Variants in CCSER1 observed in about 807,000 individuals in gnomAD.
CCSER1 encodes the protein serine-rich coiled-coil domain-containing protein 1.
In CCSER1, 41 loss-of-function variants were observed where a neutral mutation model predicts 82.0. That is an observed-to-expected ratio of 0.50 (90% CI 0.39 to 0.65). The LOEUF is 0.65. Among genes scored for constraint, CCSER1 ranks in the 30% least tolerant of loss-of-function variants. The probability of loss-of-function intolerance (pLI) is 0.00; values close to 1 mark genes in which losing one functional copy is unlikely to be tolerated. For missense variants in CCSER1, 1,119 were observed against 1,064.2 expected, an observed-to-expected ratio of 1.05 and a Z score of -0.72; for synonymous variants, 414 against 383.9, an observed-to-expected ratio of 1.08 and a Z score of -0.92.
chr4:90,455,644 C>T (rs1418976648), intron 4 of CCSER1, among the ~76,000 whole-genome samples: 1 of 152,176 alleles, frequency 6.6e-6, no homozygotes, highest in Non-Finnish European at 1.5e-5. Context: ...TCCCCGTGAT[C>T]TTTGCAGGTG....
intron 3 of CCSER1, among the ~76,000 whole-genome samples, chr4:90,371,392 A>T (rs1440702348): frequency 6.6e-6 from 1 of 152,138 alleles, no homozygotes; most frequent in Non-Finnish European, 1.5e-5. Flanking sequence ...ATTTGTTTAC[A>T]AATATATTGC....
intron 10 of CCSER1, among the ~76,000 whole-genome samples, chr4:91,151,933 A>G (rs987879268): frequency 4.6e-5 from 7 of 152,228 alleles, no homozygotes; most frequent in Non-Finnish European, 1.0e-4. Flanking sequence ...TGTGGTGCTG[A>G]GAAGAATGTA....
intron 10 of CCSER1, among the ~76,000 whole-genome samples, chr4:91,351,714 A>G (rs1748483190): frequency 6.6e-6 from 1 of 152,156 alleles, no homozygotes. Context: ...GAGAATAATA[A>G]TAGGCAGAAA....
chr4:91,344,469 G>T (rs1881454), intron 10 of CCSER1, among the ~76,000 whole-genome samples: 1 of 152,106 alleles, frequency 6.6e-6, no homozygotes, highest in African/African-American at 2.4e-5. Context: ...GAAAAAGTAA[G>T]TGTAATGTAA....
chr4:90,957,579 T>A (rs1270135255), intron 9 of CCSER1, among the ~76,000 whole-genome samples: 1 of 133,304 alleles, frequency 7.5e-6, no homozygotes, highest in Non-Finnish European at 1.5e-5. Flanking sequence ...TTATATTATA[T>A]AATATATTAT....
intron 9 of CCSER1, among the ~76,000 whole-genome samples, chr4:90,947,484 C>T (rs1157333745): frequency 6.6e-6 from 1 of 152,100 alleles, no homozygotes; most frequent in African/African-American, 2.4e-5. Flanking sequence ...GTTTCAGCAG[C>T]TCAACTAGAT....
Position 90,380,943 on chromosome 4 carries a change from G to A in CCSER1, c.1510-19093G>A, listed in dbSNP as rs1204371937. Among the ~76,000 whole-genome samples the A allele has an allele frequency of 3.3e-5, 5 of 152,248 alleles. 1 individual carries two copies. In the South Asian group the frequency reaches 6.2e-4, roughly 19 times the overall value. ...TGCAATTCAGGGCTGTGTGCTAAGT[G>A]AGAAATAAGCAGGAAACGATGCGGG... On this transcript the variant is annotated intron_variant, in intron 3 of 10. Transcript: ENST00000509176.
chr4:90,867,616 G>T (rs944319827), intron 8 of CCSER1, among the ~76,000 whole-genome samples: 1 of 151,708 alleles, frequency 6.6e-6, no homozygotes, highest in Non-Finnish European at 1.5e-5. Flanking sequence ...CTGTTGTGCT[G>T]TCAAATACTA....
At position 90,656,326 on chromosome 4, in the gene CCSER1, TTATC is replaced by T. The variant is rs576801317; in HGVS notation, c.1932+28096_1932+28099del. ...CTATTATGACTATGAATTTTTCTAT[TTATC>T]TCTTTTATTCTGTCAATTTTTTAAT... On this transcript the variant is annotated intron_variant, in intron 6 of 10. Transcript: ENST00000509176. 1.6e-3 allele frequency among the ~76,000 whole-genome samples: 248 copies of T among 151,890 alleles called. 2 individuals carry two copies. The highest frequency in any genetic ancestry group is 6.6e-4 in the Non-Finnish European group (45 of 67,798).
At position 90,992,666 on chromosome 4, in the gene CCSER1, C is replaced by T. The variant is rs141681751; in HGVS notation, c.2172+69219C>T. The stretch of plus-strand genomic sequence containing the variant: ...TTCATGTTGTTGGCAGAATTCAATT[C>T]TTTGTGGTTGTAGGGCCGTTAGGTC... On this transcript the variant is annotated intron_variant, in intron 9 of 10. Coordinates refer to ENST00000509176, the MANE Select transcript of CCSER1 (RefSeq NM_001145065.2). 8.6e-3 allele frequency among the ~76,000 whole-genome samples: 1,301 copies of T among 152,006 alleles called. 27 individuals carry two copies. The highest frequency in any genetic ancestry group is 0.03 in the African/African-American group (1,246 of 41,500).
chr4:90,930,158 G>A (rs1458570752), intron 9 of CCSER1, among the ~76,000 whole-genome samples: 3 of 152,026 alleles, frequency 2.0e-5, no homozygotes, highest in African/African-American at 4.8e-5. Flanking sequence ...TTTGTTGAAT[G>A]GAAAATTTCT....
chr4:90,787,383 C>A (rs943636265), intron 7 of CCSER1, among the ~76,000 whole-genome samples: 3 of 152,094 alleles, frequency 2.0e-5, no homozygotes, highest in Non-Finnish European at 4.4e-5. Flanking sequence ...TGGATGAAAA[C>A]CAATATATAT....
rs573206101 is a variant in CCSER1, at chr4:90,589,790, TCA to T, written c.1725-38232_1725-38231del. On this transcript the variant is annotated intron_variant, in intron 5 of 10. Coordinates refer to ENST00000509176, the MANE Select transcript of CCSER1 (RefSeq NM_001145065.2). The stretch of plus-strand genomic sequence containing the variant: ...TCTTTCAGAGAATTCTAAAAAAAAA[TCA>T]CATTCTATTTAAACTAGAAACTTTC... 1.1e-3 allele frequency among the ~76,000 whole-genome samples: 174 copies of T among 152,258 alleles called. 1 individual carries two copies. The highest frequency in any genetic ancestry group is 4.0e-3 in the African/African-American group (168 of 41,556).
intron 8 of CCSER1, among the ~76,000 whole-genome samples, chr4:90,872,471 G>A (rs2150036312): frequency 1.3e-5 from 2 of 151,930 alleles, no homozygotes; most frequent in Middle Eastern, 6.8e-3. Flanking sequence ...AACAAAAATA[G>A]CAAGCAAGTC....
At chr4:91,578,639 GCTTTT>G (rs1405416376) in intron 10 of CCSER1, among the ~76,000 whole-genome samples, 1 of 151,918 alleles carries the variant, frequency 6.6e-6, no homozygotes, top group Non-Finnish European at 1.5e-5. Flanking sequence ...TGATAGAATA[GCTTTT>G]CTTTTCTGAG....
chr4:90,449,969 C>T lies in CCSER1; in HGVS notation c.1604-18265C>T, dbSNP rs540505622. Among the ~76,000 whole-genome samples the T allele has an allele frequency of 6.0e-4, 91 of 152,306 alleles. 1 individual carries two copies. Among genetic ancestry groups the T allele is most frequent in the South Asian group, 2.1e-3 (10 of 4,824 alleles). Reference sequence around the variant, plus strand: ...ACAGCCCTGGCTGTACTTCCCTCATCGCAGCTGGCATCTTCTCAGTGGCTG... The same window carrying T: ...ACAGCCCTGGCTGTACTTCCCTCATTGCAGCTGGCATCTTCTCAGTGGCTG... On this transcript the variant is annotated intron_variant, in intron 4 of 10. Coordinates refer to ENST00000509176, the MANE Select transcript of CCSER1 (RefSeq NM_001145065.2).
At chr4:90,163,134 CTTTAAA>C (rs1729772174) in intron 1 of CCSER1, among the ~76,000 whole-genome samples, 2 of 152,136 alleles carry the variant, frequency 1.3e-5, no homozygotes, top group East Asian at 3.9e-4. Context: ...ATAAAATAAT[CTTTAAA>C]TTTATGCTTT....
At chr4:90,584,630 T>C (rs905949447) in intron 5 of CCSER1, among the ~76,000 whole-genome samples, 1 of 152,194 alleles carries the variant, frequency 6.6e-6, no homozygotes, top group African/African-American at 2.4e-5. Context: ...TTTGCAGTGA[T>C]AGAAGACTAA....
At chr4:90,564,295 A>T (rs1198422318) in intron 5 of CCSER1, among the ~76,000 whole-genome samples, 3 of 152,060 alleles carry the variant, frequency 2.0e-5, no homozygotes, top group African/African-American at 4.8e-5. Flanking sequence ...GCCTCAAGTG[A>T]TCCTCCGCCT....
Sources: gnomAD v4.1 joint callset for allele counts (sites outside exome capture counted in the v4.1 genomes callset) on GRCh38, gnomAD v4.1.1 for gene constraint, MANE v1.5 for transcripts, NCBI Gene and HGNC (gene_info 2026-07-23, HGNC 2026-07-21) for gene names.